PLEKHG1: variants seen among roughly 807,000 people sequenced by gnomAD.
The protein encoded by PLEKHG1 is pleckstrin homology and RhoGEF domain containing G1, also known as pleckstrin homology domain-containing family G member 1.
In PLEKHG1, 44 loss-of-function variants were observed where a neutral mutation model predicts 100.8. That is an observed-to-expected ratio of 0.44 (90% CI 0.34 to 0.56). PLEKHG1 has a LOEUF of 0.56. Ranked by LOEUF, PLEKHG1 falls within the 20% of genes least tolerant of loss-of-function variation. The probability of loss-of-function intolerance (pLI) is 0.01; values close to 1 mark genes in which losing one functional copy is unlikely to be tolerated. For synonymous variants in PLEKHG1, 640 were observed against 662.5 expected, an observed-to-expected ratio of 0.97 and a Z score of 0.52; for missense variants, 1,545 against 1,720.9, an observed-to-expected ratio of 0.90 and a Z score of 1.81.
chr6:150,601,365 C>G (rs1392690522), intron 1 of PLEKHG1, among the ~76,000 whole-genome samples: 1 of 152,228 alleles, frequency 6.6e-6, no homozygotes, highest in Admixed American at 6.5e-5. Flanking sequence ...GGGCAAGATA[C>G]TTGCCTCTGG....
intron 13 of PLEKHG1, 97 bp downstream of exon 14, chr6:150,821,330 A>G (rs1043499432): frequency 2.5e-6 from 2 of 811,726 alleles, no homozygotes; most frequent in Non-Finnish European, 4.1e-6. Flanking sequence ...TTACATATTG[A>G]CAGATTTGAT....
Position 150,716,039 on chromosome 6 carries a change from C to T in PLEKHG1, c.-98-17545C>T, listed in dbSNP as rs376228476. On this transcript the variant is annotated intron_variant, in intron 3 of 3. Coordinates refer to the PLEKHG1 transcript ENST00000367326. ...AGGAGAATGGCGTGAACCCGGGAGG[C>T]GGAGCTTGCAGTGAGCCGAGATCGC... Among the ~76,000 whole-genome samples the T allele has an allele frequency of 1.9e-3, 286 of 147,182 alleles. 9 individuals carry two copies. The East Asian group carries it at 0.045, about 23-fold the overall frequency.
chr6:150,731,153 C>T (rs1411162773), intron 1 of PLEKHG1, among the ~76,000 whole-genome samples: 2 of 152,208 alleles, frequency 1.3e-5, no homozygotes, highest in East Asian at 1.9e-4. Flanking sequence ...TTGCTGCAAG[C>T]ATACCTAAAT....
At chr6:150,780,252 C>T (rs1416849756) in intron 3 of PLEKHG1, among the ~76,000 whole-genome samples, 1 of 151,224 alleles carries the variant, frequency 6.6e-6, no homozygotes, top group Admixed American at 6.6e-5. Flanking sequence ...TCTTCCGCCT[C>T]GACCTCCCGA....
intron 6 of PLEKHG1, among the ~76,000 whole-genome samples, chr6:150,801,305 T>G (rs1279777943): frequency 6.6e-6 from 1 of 152,214 alleles, no homozygotes; most frequent in Non-Finnish European, 1.5e-5. Context: ...GAGTGATAAG[T>G]GATCTCCAAG....
intron 1 of PLEKHG1, among the ~76,000 whole-genome samples, chr6:150,635,047 A>G (rs1226060052): frequency 6.6e-6 from 1 of 152,258 alleles, no homozygotes; most frequent in Non-Finnish European, 1.5e-5. Context: ...AATATTCAAT[A>G]GAGCTATCAC....
chr6:150,686,761 C>T lies in PLEKHG1; in HGVS notation c.-99+35975C>T, dbSNP rs77819329. 640 of 152,464 alleles carry T rather than the reference C, an allele frequency of 4.2e-3. 12 individuals are homozygous for T. The highest frequency in any genetic ancestry group is 0.042 in the East Asian group (216 of 5,174). The allele number at this position is 152,464 out of a possible 1,614,324, so 9.4% of individuals were successfully genotyped here. ...GGAGATGAGGGCGGGAGGAACTGCC[C>T]GGACCTGTCAGCCTTGGGTGTAGCA... On this transcript the variant is annotated intron_variant, in intron 3 of 3. Coordinates refer to the PLEKHG1 transcript ENST00000367326.
chr6:150,751,582 C>G (rs190752397), intron 2 of PLEKHG1, among the ~76,000 whole-genome samples: 53 of 152,150 alleles, frequency 3.5e-4, no homozygotes, highest in African/African-American at 1.3e-3. Context: ...GTGTCTTTCC[C>G]CAGGGAGAGG....
intron 15 of PLEKHG1, among the ~76,000 whole-genome samples, chr6:150,838,349 G>C (rs1418827143): frequency 6.6e-6 from 1 of 152,202 alleles, no homozygotes; most frequent in Non-Finnish European, 1.5e-5. Context: ...TAACAGCTTT[G>C]AATGTGGCCC....
chr6:150,815,257 CATT>C (rs1787796269), intron 10 of PLEKHG1, among the ~76,000 whole-genome samples: 2 of 152,138 alleles, frequency 1.3e-5, no homozygotes, highest in African/African-American at 4.8e-5. Context: ...GTGGGAAACT[CATT>C]AGTTACAGCC....
In PLEKHG1 at chr6:150,638,698, CCTCTTACCTAAAAA is replaced by C. The variant is rs1479269762; in HGVS notation, c.-158+576_-158+589del. Among the ~76,000 whole-genome samples the C allele has an allele frequency of 2.6e-5, 4 of 152,232 alleles. No homozygotes were observed. The East Asian group carries it at 5.8e-4, about 22-fold the overall frequency. On this transcript the variant is annotated intron_variant, in intron 2 of 3. Transcript: ENST00000367326. Reference sequence around the variant, plus strand: ...CAGTGGTGGGGAGCTTACATTTCTGCCTCTTACCTAAAAACTTAATTAAACTGAAACTTAATTTC... The same window carrying C: ...CAGTGGTGGGGAGCTTACATTTCTGCCTTAATTAAACTGAAACTTAATTTC...
At chr6:150,628,967 G>T (rs1777628618) in intron 1 of PLEKHG1, among the ~76,000 whole-genome samples, 1 of 152,136 alleles carries the variant, frequency 6.6e-6, no homozygotes, top group South Asian at 2.1e-4. Context: ...TTGGGGAAGG[G>T]GACCTGATGA....
intron 3 of PLEKHG1, among the ~76,000 whole-genome samples, chr6:150,695,872 G>A (rs1441127989): frequency 6.6e-6 from 1 of 152,142 alleles, no homozygotes; most frequent in Non-Finnish European, 1.5e-5. Flanking sequence ...AGGATTTTGT[G>A]TCGTAAATAG....
chr6:150,799,943 C>T (rs1786587784), intron 5 of PLEKHG1, among the ~76,000 whole-genome samples: 2 of 152,198 alleles, frequency 1.3e-5, no homozygotes, highest in South Asian at 4.1e-4. Context: ...GTGATACGAG[C>T]ATTGTTTCAA....
chr6:150,624,263 G>T (rs1777420734), intron 1 of PLEKHG1, among the ~76,000 whole-genome samples: 1 of 152,158 alleles, frequency 6.6e-6, no homozygotes, highest in South Asian at 2.1e-4. Flanking sequence ...TGGGGGTGCT[G>T]CTGCCTTCGC....
At position 150,782,488 on chromosome 6, in the gene PLEKHG1, T is replaced by G. The variant is rs115178292; in HGVS notation, c.513-3902T>G. Among the ~76,000 whole-genome samples, 187 of 152,322 alleles carry G rather than the reference T, an allele frequency of 1.2e-3. 2 individuals carry two copies. The highest frequency in any genetic ancestry group is 4.3e-3 in the African/African-American group (180 of 41,584). On this transcript the variant is annotated intron_variant, in intron 3 of 15. Transcript: ENST00000358517. Reference sequence around the variant, plus strand: ...TCAACCCATTACCACTTGCTGAGTTTCAGTGTAATATGAAGGATGTTAGTG... The same window carrying G: ...TCAACCCATTACCACTTGCTGAGTTGCAGTGTAATATGAAGGATGTTAGTG...
At chr6:150,734,718 G>T (rs1422579540) in intron 2 of PLEKHG1, among the ~76,000 whole-genome samples, 1 of 152,128 alleles carries the variant, frequency 6.6e-6, no homozygotes, top group Non-Finnish European at 1.5e-5. Flanking sequence ...CTTGTCTCGT[G>T]TCTCCTTTCT....
exon 16 of PLEKHG1, chr6:150,840,745 G>C: frequency 6.2e-7 from 1 of 1,614,158 alleles, no homozygotes; most frequent in Non-Finnish European, 8.5e-7. Flanking sequence ...CCGGTTAACA[G>C]CAAACTTGGC....
At chr6:150,785,378 T>G (rs1363802983) in intron 3 of PLEKHG1, among the ~76,000 whole-genome samples, 4 of 152,062 alleles carry the variant, frequency 2.6e-5, no homozygotes, top group African/African-American at 9.7e-5. Context: ...TCATGTGGAG[T>G]GCAATTTAGA....
Sources: allele counts gnomAD v4.1 joint callset (sites outside exome capture counted in the v4.1 genomes callset), GRCh38; gene constraint gnomAD v4.1.1; transcripts MANE v1.5; gene names NCBI Gene and HGNC (gene_info 2026-07-23, HGNC 2026-07-21).